Variants in DNAH17 observed in about 807,000 individuals in gnomAD.
DNAH17 encodes dynein axonemal heavy chain 17, also known as axonemal beta dynein heavy chain 17.
Under a neutral mutation model 485.6 loss-of-function variants are expected in DNAH17, and 376 were observed. The ratio of observed to expected loss-of-function variants is 0.77; its 90% CI spans 0.71 to 0.84. The LOEUF is 0.84. Among genes scored for constraint, DNAH17 ranks in the 40% least tolerant of loss-of-function variants. The pLI is 0.00. For missense variants in DNAH17, 6,370 were observed against 5,839.3 expected (o/e 1.09, Z -2.96); for synonymous variants, 3,031 against 2,405.9 (o/e 1.26, Z -7.60).
At chr17:78,556,298 G>A (rs1598721216) in intron 14 of DNAH17, among the ~76,000 whole-genome samples, 1 of 152,146 alleles carries the variant, frequency 6.6e-6, no homozygotes, top group East Asian at 1.9e-4. Flanking sequence ...TAATACAATG[G>A]CCATGAGCCC....
chr17:78,460,379 T>C, intron 58 of DNAH17, 122 bp from the exon 59 acceptor site: 1 of 794,478 alleles, frequency 1.3e-6, no homozygotes, highest in Non-Finnish European at 2.0e-6. Flanking sequence ...CATGAGTGTA[T>C]GTGTGCATAT....
chr17:78,501,216 C>G lies in DNAH17; in HGVS notation c.5451G>C (p.Thr1817=). Residue 1817 remains threonine (T), a synonymous_variant, in exon 35 of 81, where the codon ACG becomes ACC. Coordinates refer to ENST00000389840, the MANE Select transcript of DNAH17 (RefSeq NM_173628.4). ...TGAGTGGGGTGATGACCAGCCGCGG[C>G]GTGTTGCCCAGATACTCATAGGAAT... ...IQYSYEYLGN[T]PRLVITPLTD... 1 of 1,593,670 alleles carries G rather than the reference C, an allele frequency of 6.3e-7. No individual in the cohort carries two copies. Among genetic ancestry groups the G allele is most frequent in the Non-Finnish European group, 8.6e-7 (1 of 1,164,404 alleles).
intron 33 of DNAH17, 49 bp from the exon 34 acceptor site, chr17:78,501,922 C>T (rs765684786): frequency 1.9e-6 from 3 of 1,606,904 alleles, no homozygotes; most frequent in Non-Finnish European, 2.6e-6. Flanking sequence ...CCCACATGCA[C>T]TGGGGGGTCT....
At chr17:78,430,640 G>A (rs1382727356) in intron 75 of DNAH17, among the ~76,000 whole-genome samples, 1 of 152,178 alleles carries the variant, frequency 6.6e-6, no homozygotes, top group African/African-American at 2.4e-5. Context: ...GAGTGCAATG[G>A]TGCAGTCTCT....
At chr17:78,446,927 A>G (rs1280441444) in intron 69 of DNAH17, among the ~76,000 whole-genome samples, 1 of 152,134 alleles carries the variant, frequency 6.6e-6, no homozygotes, top group Non-Finnish European at 1.5e-5. Flanking sequence ...TACAGGTGAG[A>G]GCCACTGTGC....
intron 25 of DNAH17, among the ~76,000 whole-genome samples, chr17:78,523,200 G>A (rs2090977998): frequency 6.6e-6 from 1 of 151,734 alleles, no homozygotes; most frequent in South Asian, 2.1e-4. Flanking sequence ...CTGTCCCCCA[G>A]GCTGGAGTGT....
intron 75 of DNAH17, among the ~76,000 whole-genome samples, chr17:78,431,966 G>A (rs1487989869): frequency 1.3e-5 from 2 of 152,042 alleles, no homozygotes; most frequent in African/African-American, 2.4e-5. Context: ...GAGCCCAGGA[G>A]TTTGAGACCA....
rs368680475 is a variant in DNAH17, at chr17:78,468,721, T to C, written c.8674A>G (p.Asn2892Asp). ...PGLFMEDEVE[N>D]IISSMRPQVK... The stretch of plus-strand genomic sequence containing the variant: ...TGGGGTCGCATGGAGGAGATGATGT[T>C]CTCCACCTCGTCCTCCATAAACAGC... Residue 2892 changes from asparagine (N) to aspartate (D), a missense_variant, in exon 55 of 81, where the codon AAC (asparagine) becomes GAC (aspartate). Asn to Asp is a conservative substitution (Grantham distance 23). Coordinates refer to ENST00000389840, the MANE Select transcript of DNAH17 (RefSeq NM_173628.4). 9 of 1,613,846 alleles carry C rather than the reference T, an allele frequency of 5.6e-6. No homozygotes were observed. Among genetic ancestry groups the C allele is most frequent in the Non-Finnish European group, 7.6e-6 (9 of 1,179,886 alleles).
At chr17:78,572,953 A>T in intron 2 of DNAH17, 59 bp from the exon 3 acceptor site, 1 of 1,509,462 alleles carries the variant, frequency 6.6e-7, no homozygotes, top group Non-Finnish European at 9.0e-7. Context: ...CGGCAACCGC[A>T]CAGAGCCAGG....
chr17:78,553,294 TTTTTTTTTTTTTTTTTTTTTTTTTTA>T (rs1307872221), intron 14 of DNAH17, among the ~76,000 whole-genome samples: 2 of 42,808 alleles, frequency 4.7e-5, no homozygotes, highest in Non-Finnish European at 5.3e-5. Context: ...TTTTTTTTTT[TTTTTTTTTTTTTTTTTTTTTTTTTTA>T]AGATGGAGTC....
chr17:78,449,387 A>G, intron 69 of DNAH17, 27 bp downstream of exon 69: 1 of 1,537,150 alleles, frequency 6.5e-7, no homozygotes, highest in Non-Finnish European at 8.8e-7. Context: ...CACGGACCAC[A>G]CTAGGAACAG....
At chr17:78,437,525 A>T in intron 74 of DNAH17, 116 bp downstream of exon 74, 1 of 691,038 alleles carries the variant, frequency 1.4e-6, no homozygotes, top group Non-Finnish European at 2.4e-6. Context: ...GGGGAAGCCC[A>T]GAGGGGAGGT....
chr17:78,445,687 G>GA lies in DNAH17; in HGVS notation c.11212-8dup. ...CCTTCTTCATGGACAGGACCTGGGG[G>GA]AACATCGAGGTGTACACACTTAACG... On this transcript the variant is annotated splice_polypyrimidine_tract_variant and splice_region_variant and intron_variant, in intron 69 of 80. Coordinates refer to ENST00000389840, the MANE Select transcript of DNAH17 (RefSeq NM_173628.4). The GA allele has an allele frequency of 2.5e-6, 4 of 1,589,712 alleles. No individual in the cohort carries two copies. In the South Asian group the frequency reaches 4.6e-5, roughly 18 times the overall value.
In DNAH17 at chr17:78,455,737, G is replaced by C. The variant is rs762346675; in HGVS notation, c.10077C>G (p.Ile3359Met). 1.2e-5 allele frequency: 20 copies of C among 1,612,536 alleles called. No individual in the cohort carries two copies. The South Asian group carries it at 2.2e-4, about 18-fold the overall frequency. Reference sequence around the variant, plus strand: ...AGCCCACGTAGGACACGAAGGCAGAGATGAGCAGGACGTCCCCACACAGCG... The same window carrying C: ...AGCCCACGTAGGACACGAAGGCAGACATGAGCAGGACGTCCCCACACAGCG... ...GVTLCGDVLL[I>M]SAFVSYVGYF... The change falls in exon 63 of 81, where the codon ATC (isoleucine) becomes ATG (methionine). Residue 3359 changes from isoleucine (I) to methionine (M), a missense_variant. Transcript: ENST00000389840.
Position 78,444,669 on chromosome 17 carries a change from CTTG to C in DNAH17, c.11460_11462del (p.Asn3820del), listed in dbSNP as rs1232985612. On this transcript the variant is annotated inframe_deletion, in exon 71 of 81. Transcript: ENST00000389840. Reference sequence around the variant, plus strand: ...CCATGCACAGCTTCTGCAGGGCCGTCTTGTTCTTCCACTCCTTGGGGAAGATCT... The same window carrying C: ...CCATGCACAGCTTCTGCAGGGCCGTCTTCTTCCACTCCTTGGGGAAGATCT... 1 of 1,610,434 alleles carries C rather than the reference CTTG, an allele frequency of 6.2e-7. No homozygotes were observed. Among genetic ancestry groups the C allele is most frequent in the African/African-American group, 1.3e-5 (1 of 74,772 alleles).
At chr17:78,428,202 G>T in intron 77 of DNAH17, 1 of 412,112 alleles carries the variant, frequency 2.4e-6, no homozygotes, top group Non-Finnish European at 4.6e-6. Context: ...GGGAATGGTC[G>T]GTGCCCTTCC....
At position 78,558,125 on chromosome 17, in the gene DNAH17, C is replaced by T. The variant is rs943495484; in HGVS notation, c.2161G>A (p.Val721Ile). The T allele has an allele frequency of 9.3e-6, 15 of 1,613,318 alleles. No individual in the cohort carries two copies. The highest frequency in any genetic ancestry group is 6.7e-5 in the Admixed American group (4 of 59,918). The change falls in exon 14 of 81, where the codon GTT becomes ATT. Residue 721 changes from valine to isoleucine, a missense_variant. Coordinates refer to ENST00000389840, the MANE Select transcript of DNAH17 (RefSeq NM_173628.4). ...RKFVGNLELI[V>I]GWYNEIKTIV... ...CAACTCACCTCATTATACCAGCCAA[C>T]GATGAGCTCCAGGTTGCCCACAAAC...
chr17:78,548,823 T>C (rs1014852159), intron 16 of DNAH17, among the ~76,000 whole-genome samples: 3 of 152,256 alleles, frequency 2.0e-5, no homozygotes, highest in Non-Finnish European at 4.4e-5. Context: ...CTGTTTTTGC[T>C]AGTTTTGAGA....
chr17:78,518,534 A>G (rs1231288318), intron 25 of DNAH17, among the ~76,000 whole-genome samples: 1 of 152,230 alleles, frequency 6.6e-6, no homozygotes, highest in African/African-American at 2.4e-5. Flanking sequence ...AAATAAACAC[A>G]TCTATAATTA....
Sources: gnomAD v4.1 joint callset for allele counts (sites outside exome capture counted in the v4.1 genomes callset) on GRCh38, gnomAD v4.1.1 for gene constraint, MANE v1.5 for transcripts, NCBI Gene and HGNC (gene_info 2026-07-23, HGNC 2026-07-21) for gene names.